The following DACH1 variants were observed in gnomAD, a reference collection of about 807,000 sequenced individuals.
The protein encoded by DACH1 is dachshund homolog 1.
In DACH1, 12 loss-of-function variants were observed where a neutral mutation model predicts 54.2. The ratio of observed to expected loss-of-function variants is 0.22; its 90% CI spans 0.14 to 0.36. DACH1 has a LOEUF of 0.36. Among genes scored for constraint, DACH1 ranks in the 10% least tolerant of loss-of-function variants. DACH1 has a pLI of 1.00. For synonymous variants in DACH1, 386 were observed against 366.2 expected, an observed-to-expected ratio of 1.05 and a Z score of -0.62; for missense variants, 805 against 929.8, an observed-to-expected ratio of 0.87 and a Z score of 1.75.
At chr13:71,853,300 A>ATCTTTCTGCCT (rs1873789791) in intron 1 of DACH1, among the ~76,000 whole-genome samples, 1 of 152,152 alleles carries the variant, frequency 6.6e-6, no homozygotes, top group South Asian at 2.1e-4. Context: ...TTTTGAAGAG[A>ATCTTTCTGCCT]TCTTTCTGCC....
intron 3 of DACH1, among the ~76,000 whole-genome samples, chr13:71,597,382 A>T (rs957048888): frequency 1.3e-4 from 20 of 152,214 alleles, no homozygotes; most frequent in Admixed American, 3.9e-4. Context: ...TTTAAATTTA[A>T]ACATAATAGA....
Position 71,866,242 on chromosome 13 carries a change from C to T in DACH1, c.528G>A (p.Pro176=), listed in dbSNP as rs757558443. ...PLPGKPVYST[P]SPVENTPQNN... ...TCTGAGGGGTGTTTTCCACTGGGGA[C>T]GGGGTTGAGTACACGGGTTTCCCGG... The change falls in exon 1 of 11, where the codon CCG becomes CCA. Residue 176 remains proline, a synonymous_variant. Transcript: ENST00000613252. The T allele has an allele frequency of 2.5e-6, 4 of 1,611,060 alleles. No homozygotes were observed. The highest frequency in any genetic ancestry group is 1.1e-5 in the South Asian group (1 of 90,694).
chr13:71,762,596 G>A (rs773666229), intron 1 of DACH1, among the ~76,000 whole-genome samples: 16 of 151,656 alleles, frequency 1.1e-4, no homozygotes, highest in East Asian at 2.0e-4. Context: ...GAGAAACCCC[G>A]TCTCTATTAA....
intron 3 of DACH1, among the ~76,000 whole-genome samples, chr13:71,577,105 C>T (rs183044746): frequency 2.0e-5 from 3 of 152,074 alleles, no homozygotes; most frequent in African/African-American, 7.2e-5. Context: ...GCTTCATGAT[C>T]GTCTAAGCTC....
intron 2 of DACH1, among the ~76,000 whole-genome samples, chr13:71,652,091 C>G (rs1337594800): frequency 6.6e-6 from 1 of 152,004 alleles, no homozygotes; most frequent in Non-Finnish European, 1.5e-5. Flanking sequence ...GACATAGGTA[C>G]CTAATAAATG....
chr13:71,504,664 A>T (rs1482805440), intron 6 of DACH1, among the ~76,000 whole-genome samples: 1 of 152,142 alleles, frequency 6.6e-6, no homozygotes, highest in Non-Finnish European at 1.5e-5. Context: ...GTTGGTCATG[A>T]TCTTACAGAA....
At chr13:71,579,636 C>A (rs999345231) in intron 3 of DACH1, among the ~76,000 whole-genome samples, 1 of 152,034 alleles carries the variant, frequency 6.6e-6, no homozygotes, top group African/African-American at 2.4e-5. Context: ...TTTTGGAACT[C>A]ATAAAATTTA....
intron 1 of DACH1, among the ~76,000 whole-genome samples, chr13:71,784,993 T>G (rs303959): frequency 0.059 from 9,047 of 152,170 alleles, 649 homozygotes; most frequent in African/African-American, 0.17. Flanking sequence ...CTCTAAGAAG[T>G]ACACATATAA....
At chr13:71,546,322 A>G (rs528883588) in intron 6 of DACH1, among the ~76,000 whole-genome samples, 4 of 152,144 alleles carry the variant, frequency 2.6e-5, no homozygotes, top group African/African-American at 9.6e-5. Context: ...AAATTAATTT[A>G]TGGCTTTTTT....
At chr13:71,600,057 T>C (rs1039126050) in intron 3 of DACH1, among the ~76,000 whole-genome samples, 1 of 152,072 alleles carries the variant, frequency 6.6e-6, no homozygotes, top group African/African-American at 2.4e-5. Context: ...AATCAGTTAT[T>C]TGAAACTCAC....
At chr13:71,603,050 C>T (rs185789157) in intron 3 of DACH1, among the ~76,000 whole-genome samples, 2 of 152,024 alleles carry the variant, frequency 1.3e-5, no homozygotes, top group East Asian at 3.9e-4. Flanking sequence ...ATTTAATTGG[C>T]TATTGAAGTA....
chr13:71,610,864 T>C (rs1202804993), intron 3 of DACH1, among the ~76,000 whole-genome samples: 7 of 152,166 alleles, frequency 4.6e-5, no homozygotes, highest in Admixed American at 4.6e-4. Flanking sequence ...GATAAATCTT[T>C]GGGGAAGTTT....
chr13:71,511,268 C>G (rs1006696122), intron 6 of DACH1, among the ~76,000 whole-genome samples: 1 of 151,940 alleles, frequency 6.6e-6, no homozygotes, highest in Non-Finnish European at 1.5e-5. Context: ...ACTGGTTAGG[C>G]ACTCTTGTTC....
At chr13:71,714,789 G>T (rs1177488762) in intron 1 of DACH1, among the ~76,000 whole-genome samples, 1 of 151,998 alleles carries the variant, frequency 6.6e-6, no homozygotes, top group East Asian at 1.9e-4. Context: ...CAATAAGAGA[G>T]ATTTTTTAAA....
At chr13:71,846,095 A>G in intron 1 of DACH1, 1 of 170,402 alleles carries the variant, frequency 5.9e-6, no homozygotes. Flanking sequence ...TATGCCCAAG[A>G]AGAAACTGAA....
At chr13:71,701,205 G>A (rs2138750337) in intron 1 of DACH1, among the ~76,000 whole-genome samples, 1 of 152,046 alleles carries the variant, frequency 6.6e-6, no homozygotes, top group African/African-American at 2.4e-5. Flanking sequence ...TTTAATAAAT[G>A]TTCATATATA....
At chr13:71,793,178 G>A (rs1380288561) in intron 1 of DACH1, among the ~76,000 whole-genome samples, 2 of 152,118 alleles carry the variant, frequency 1.3e-5, no homozygotes, top group African/African-American at 4.8e-5. Context: ...TTGTGAAAAA[G>A]AGTAAAACTA....
At chr13:71,794,328 T>C (rs1293687027) in intron 1 of DACH1, among the ~76,000 whole-genome samples, 1 of 152,236 alleles carries the variant, frequency 6.6e-6, no homozygotes, top group African/African-American at 2.4e-5. Flanking sequence ...AGGGCAGGAC[T>C]AACCAAATCC....
At chr13:71,534,040 T>C (rs1882594046) in intron 6 of DACH1, among the ~76,000 whole-genome samples, 1 of 152,058 alleles carries the variant, frequency 6.6e-6, no homozygotes. Flanking sequence ...TAACTGCCTT[T>C]ACAAAATGAA....
Sources: allele counts gnomAD v4.1 joint callset (sites outside exome capture counted in the v4.1 genomes callset), GRCh38; gene constraint gnomAD v4.1.1; transcripts MANE v1.5; gene names NCBI Gene and HGNC (gene_info 2026-07-23, HGNC 2026-07-21).